Variants in PMS1 observed in about 807,000 individuals in gnomAD.
PMS1 encodes PMS1 homolog 1, mismatch repair system component.
A neutral mutation model predicts 93.1 loss-of-function variants in PMS1; 79 were observed. The ratio of observed to expected loss-of-function variants is 0.85; its 90% CI spans 0.71 to 1.02. PMS1 has a LOEUF of 1.02. PMS1 is among the 50% of genes least tolerant of loss of function. The probability of loss-of-function intolerance (pLI) is 0.00; values close to 1 mark genes in which losing one functional copy is unlikely to be tolerated. For missense variants in PMS1, 1,064 were observed against 1,085.3 expected (o/e 0.98, Z 0.28); for synonymous variants, 335 against 363.4 (o/e 0.92, Z 0.89).
At chr2:189,805,399 C>A (rs1461906542) in intron 3 of PMS1, among the ~76,000 whole-genome samples, 1 of 152,042 alleles carries the variant, frequency 6.6e-6, no homozygotes, top group Non-Finnish European at 1.5e-5. Flanking sequence ...TTCAGGTATA[C>A]TTGTTTGTGT....
chr2:189,800,756 G>A (rs1032532000), intron 3 of PMS1, among the ~76,000 whole-genome samples: 4 of 152,076 alleles, frequency 2.6e-5, no homozygotes, highest in South Asian at 2.1e-4. Flanking sequence ...TCAGTGGATC[G>A]ATATGTAATT....
chr2:189,866,696 C>T (rs2056688296), intron 10 of PMS1, among the ~76,000 whole-genome samples: 1 of 152,202 alleles, frequency 6.6e-6, no homozygotes, highest in South Asian at 2.1e-4. Flanking sequence ...AAAGTTTTTT[C>T]ATGATCTTCA....
chr2:189,834,275 A>G (rs2053201445), intron 5 of PMS1, among the ~76,000 whole-genome samples: 1 of 152,250 alleles, frequency 6.6e-6, no homozygotes, highest in Non-Finnish European at 1.5e-5. Flanking sequence ...CAGCATGTGC[A>G]ATGTCAGGGA....
At chr2:189,827,745 A>G (rs923224936) in intron 5 of PMS1, among the ~76,000 whole-genome samples, 3 of 152,166 alleles carry the variant, frequency 2.0e-5, no homozygotes, top group Non-Finnish European at 2.9e-5. Context: ...AGCCAGGCAC[A>G]GAGAGACAAA....
chr2:189,792,041 C>T, intron 2 of PMS1, 100 bp downstream of exon 2: 1 of 1,025,710 alleles, frequency 9.7e-7, no homozygotes, highest in Non-Finnish European at 1.5e-6. Context: ...TTCTTTACAC[C>T]AATAAATTAT....
At chr2:189,791,632 G>A (rs2048879913) in intron 1 of PMS1, 158 bp from the exon 2 acceptor site, 2 of 554,476 alleles carry the variant, frequency 3.6e-6, no homozygotes, top group South Asian at 2.0e-5. Flanking sequence ...AAAAAAAGAA[G>A]AAATAGAAGA....
intron 1 of PMS1, chr2:189,785,241 G>A (rs2048185329): frequency 6.6e-6 from 1 of 152,196 alleles, no homozygotes; most frequent in African/African-American, 2.4e-5. Context: ...TGTTGGCTTT[G>A]TGAACCTAAT....
At chr2:189,847,568 T>A (rs1302046939) in intron 6 of PMS1, among the ~76,000 whole-genome samples, 1 of 152,144 alleles carries the variant, frequency 6.6e-6, no homozygotes, top group Non-Finnish European at 1.5e-5. Flanking sequence ...GATAATTGTT[T>A]TTGTTTTTAA....
intron 9 of PMS1, among the ~76,000 whole-genome samples, chr2:189,857,774 G>C (rs1298467942): frequency 6.6e-6 from 1 of 152,028 alleles, no homozygotes; most frequent in Non-Finnish European, 1.5e-5. Flanking sequence ...AATGTGATGA[G>C]CTTTAAGATA....
Position 189,863,939 on chromosome 2 carries a change from CAAATTGA to C in PMS1, c.2057_2063del (p.Ile686LysfsTer16). ...AAAACTTGATGAACTCCTTCAGTCC[CAAATTGA>C]AAAAAGAAGGAGTCAAAATATTAAA... On this transcript the variant is annotated frameshift_variant, in exon 10 of 13. Transcript: ENST00000441310. LOFTEE classifies it high-confidence loss of function. The C allele has an allele frequency of 6.2e-7, 1 of 1,609,142 alleles. No homozygotes were observed. The highest frequency in any genetic ancestry group is 1.7e-4 in the Middle Eastern group (1 of 6,034).
At chr2:189,839,250 C>A (rs2053630988) in intron 5 of PMS1, among the ~76,000 whole-genome samples, 1 of 152,178 alleles carries the variant, frequency 6.6e-6, no homozygotes, top group Non-Finnish European at 1.5e-5. Context: ...CTTGGCCTCC[C>A]AAAGTGCTGG....
intron 5 of PMS1, among the ~76,000 whole-genome samples, chr2:189,829,013 C>G (rs747791710): frequency 6.6e-6 from 1 of 152,170 alleles, no homozygotes; most frequent in Non-Finnish European, 1.5e-5. Flanking sequence ...CTGTCCACCT[C>G]CCCTTTTACC....
chr2:189,792,866 C>T (rs1230161376), intron 2 of PMS1, among the ~76,000 whole-genome samples: 1 of 151,442 alleles, frequency 6.6e-6, no homozygotes, highest in Admixed American at 6.6e-5. Context: ...GGCTGGAGTG[C>T]AATGGCGCGA....
intron 1 of PMS1, among the ~76,000 whole-genome samples, chr2:189,788,359 A>T (rs1385362425): frequency 6.6e-6 from 1 of 152,240 alleles, no homozygotes; most frequent in African/African-American, 2.4e-5. Context: ...TAGCACTTAT[A>T]TGCCAAACAC....
intron 5 of PMS1, among the ~76,000 whole-genome samples, chr2:189,821,585 G>A (rs1405957321): frequency 6.6e-6 from 1 of 152,166 alleles, no homozygotes; most frequent in Non-Finnish European, 1.5e-5. Context: ...GAGGTGGGTG[G>A]ATCACCTGAG....
intron 10 of PMS1, among the ~76,000 whole-genome samples, chr2:189,865,399 G>A (rs2106521096): frequency 6.6e-6 from 1 of 152,184 alleles, no homozygotes; most frequent in East Asian, 1.9e-4. Flanking sequence ...AACATGGAGG[G>A]CTGAATAGAT....
At chr2:189,868,867 A>C (rs977241703) in intron 11 of PMS1, among the ~76,000 whole-genome samples, 5 of 152,174 alleles carry the variant, frequency 3.3e-5, no homozygotes, top group Non-Finnish European at 4.4e-5. Flanking sequence ...CCTCAATTCT[A>C]TTAGTCCAAA....
intron 5 of PMS1, among the ~76,000 whole-genome samples, chr2:189,839,154 G>T (rs1283568926): frequency 2.6e-5 from 4 of 152,150 alleles, no homozygotes; most frequent in East Asian, 3.9e-4. Flanking sequence ...ACCATGCCTG[G>T]ATAATTTTTT....
At chr2:189,859,357 GGTTTA>G (rs2055704377) in intron 9 of PMS1, among the ~76,000 whole-genome samples, 1 of 152,096 alleles carries the variant, frequency 6.6e-6, no homozygotes, top group African/African-American at 2.4e-5. Flanking sequence ...AATTTTCATA[GGTTTA>G]CAGAACTACT....
Sources: gnomAD v4.1 joint callset for allele counts (sites outside exome capture counted in the v4.1 genomes callset) on GRCh38, gnomAD v4.1.1 for gene constraint, MANE v1.5 for transcripts, NCBI Gene and HGNC (gene_info 2026-07-23, HGNC 2026-07-21) for gene names.